GLB1: variants seen among roughly 807,000 people sequenced by gnomAD.
The protein encoded by GLB1 is beta-galactosidase.
Under a neutral mutation model 74.0 loss-of-function variants are expected in GLB1, and 56 were observed. The observed-to-expected ratio is 0.76, with a 90% CI of 0.61 to 0.94. The LOEUF (loss-of-function observed/expected upper bound fraction) is 0.94, where lower values mean the gene tolerates loss of function less well. Ranked by LOEUF, GLB1 falls within the 40% of genes least tolerant of loss-of-function variation. GLB1 has a pLI of 0.00. For synonymous variants in GLB1, 323 were observed against 323.6 expected, an observed-to-expected ratio of 1.00 and a Z score of 0.02; for missense variants, 787 against 845.5, an observed-to-expected ratio of 0.93 and a Z score of 0.86.
At chr3:33,062,434 C>T (rs968782310) in intron 5 of GLB1, among the ~76,000 whole-genome samples, 1 of 152,108 alleles carries the variant, frequency 6.6e-6, no homozygotes, top group African/African-American at 2.4e-5. Context: ...TCCCAAAGTG[C>T]TGGGATTACG....
intron 15 of GLB1, among the ~76,000 whole-genome samples, chr3:32,998,713 C>G (rs1371623773): frequency 6.6e-6 from 1 of 151,918 alleles, no homozygotes; most frequent in Non-Finnish European, 1.5e-5. Context: ...GGGAGGGAGG[C>G]AGGAAAGAAA....
Position 33,039,171 on chromosome 3 carries a change from T to G in GLB1, c.1068+6949A>C, listed in dbSNP as rs551201929. Among the ~76,000 whole-genome samples, 5 of 151,290 alleles carry G rather than the reference T, an allele frequency of 3.3e-5. No homozygotes were observed. In the South Asian group the frequency reaches 1.0e-3, roughly 32 times the overall value. ...CAGGTGTGGTGGTGCACAGCTGTAA[T>G]CCCAGCTACTCAGGAGGCTGAGGCA... On this transcript the variant is annotated intron_variant, in intron 10 of 15. Coordinates refer to ENST00000307363, the MANE Select transcript of GLB1 (RefSeq NM_000404.4).
intron 1 of GLB1, among the ~76,000 whole-genome samples, chr3:33,081,402 G>A (rs748495927): frequency 2.0e-5 from 3 of 152,158 alleles, no homozygotes; most frequent in Non-Finnish European, 2.9e-5. Context: ...TAGACATGAC[G>A]CTGGTCTACA....
chr3:33,003,235 C>A (rs570859770), intron 15 of GLB1, among the ~76,000 whole-genome samples: 3 of 152,168 alleles, frequency 2.0e-5, no homozygotes, highest in Non-Finnish European at 4.4e-5. Flanking sequence ...CTCATCAAAT[C>A]CCAAATAAAA....
Position 33,018,144 on chromosome 3 carries a change from G to T in GLB1, c.1347+304C>A, listed in dbSNP as rs1215769671. On this transcript the variant is annotated intron_variant, in intron 13 of 15. Coordinates refer to ENST00000307363, the MANE Select transcript of GLB1 (RefSeq NM_000404.4). The stretch of plus-strand genomic sequence containing the variant: ...ACAAAAAAAATCAAAACATTAGCCA[G>T]GCATGGTGGTGCACCCCTGTAGTCT... Among the ~76,000 whole-genome samples, 5 of 152,004 alleles carry T rather than the reference G, an allele frequency of 3.3e-5. No individual in the cohort carries two copies. In the East Asian group the frequency reaches 9.7e-4, roughly 29 times the overall value.
At chr3:33,002,985 G>A (rs1459473147) in intron 15 of GLB1, among the ~76,000 whole-genome samples, 3 of 152,176 alleles carry the variant, frequency 2.0e-5, no homozygotes, top group Non-Finnish European at 2.9e-5. Context: ...CTCTTACAAG[G>A]CTTGCTTAGA....
the GLB1 span, among the ~76,000 whole-genome samples, chr3:32,968,801 A>G: frequency 6.6e-6 from 1 of 152,210 alleles, no homozygotes; most frequent in African/African-American, 2.4e-5. Flanking sequence ...TTGTATGTCC[A>G]CAAATGAAAG....
At chr3:33,062,110 C>T (rs2125538612) in intron 5 of GLB1, among the ~76,000 whole-genome samples, 1 of 152,198 alleles carries the variant, frequency 6.6e-6, no homozygotes, top group East Asian at 1.9e-4. Context: ...AGGAAAGCCA[C>T]CATTTTCTAC....
chr3:33,093,898 A>C lies in GLB1; in HGVS notation c.75+3113T>G. 1 of 1,614,026 alleles carries C rather than the reference A, an allele frequency of 6.2e-7. No individual in the cohort carries two copies. Among genetic ancestry groups the C allele is most frequent in the East Asian group, 2.2e-5 (1 of 44,888 alleles). The stretch of plus-strand genomic sequence containing the variant: ...GCCACTAAAAAGAACATGGTAAAGA[A>C]ACTGGAATGGGCCAGGGCCAGAAAT... On this transcript the variant is annotated intron_variant, in intron 1 of 15. Transcript: ENST00000307363. The surrounding 1 kb of genome is among the most constrained non-coding windows in gnomAD (Gnocchi z 6.0).
chr3:33,045,604 G>A (rs765690332), intron 10 of GLB1: 34 of 991,074 alleles, frequency 3.4e-5, no homozygotes, highest in Non-Finnish European at 4.1e-5. Flanking sequence ...TTCAGATGAT[G>A]CATTAAATAA....
At position 33,051,918 on chromosome 3, in the gene GLB1, G is replaced by C; in HGVS notation, c.879C>G (p.Leu293=). ...TIKTEAVASS[L]YDILARGASV... is the part of the protein sequence containing the mutation. ...TCGCCCCACGGGCAAGTATATCATAGAGGGAGGAAGCCACTGCTTCGGTCT... is the reference window on the plus strand; with the variant it reads ...TCGCCCCACGGGCAAGTATATCATACAGGGAGGAAGCCACTGCTTCGGTCT... Residue 293 remains leucine (L), a synonymous_variant, in exon 8 of 16, where the codon CTC becomes CTG. Coordinates refer to ENST00000307363, the MANE Select transcript of GLB1 (RefSeq NM_000404.4). 6.2e-7 allele frequency: 1 copy of C among 1,614,248 alleles called. No homozygotes were observed.
the GLB1 span, among the ~76,000 whole-genome samples, chr3:32,971,698 C>T: frequency 6.6e-6 from 1 of 152,220 alleles, no homozygotes; most frequent in South Asian, 2.1e-4. Context: ...CCTAGGGCAA[C>T]AGTATTATGA....
intron 6 of GLB1, among the ~76,000 whole-genome samples, chr3:33,057,647 C>G (rs562259014): frequency 6.6e-6 from 1 of 152,362 alleles, no homozygotes; most frequent in South Asian, 2.1e-4. Flanking sequence ...CAGCCAGTGG[C>G]TGACCTCAAG....
At chr3:33,073,687 CA>C (rs917500797) in intron 1 of GLB1, among the ~76,000 whole-genome samples, 1 of 151,338 alleles carries the variant, frequency 6.6e-6, no homozygotes, top group South Asian at 2.1e-4. Flanking sequence ...GACTCTGTCT[CA>C]AAAAAATAAT....
chr3:33,036,206 C>T (rs1698269764), intron 10 of GLB1, among the ~76,000 whole-genome samples: 1 of 152,134 alleles, frequency 6.6e-6, no homozygotes. Flanking sequence ...GCCTCTTAAA[C>T]AGCTGCATAC....
Position 33,065,403 on chromosome 3 carries a change from T to G in GLB1, c.552+60A>C, listed in dbSNP as rs371213437. On this transcript the variant is annotated intron_variant, in intron 5 of 15. Transcript: ENST00000307363. ...ATGTCTGCATCACTTCTATCATTTA[T>G]GTAATGTAGATGGATGGGAACCCCT... The G allele has an allele frequency of 2.6e-6, 4 of 1,538,628 alleles. No homozygotes were observed. The South Asian group carries it at 3.6e-5, about 14-fold the overall frequency.
At chr3:33,068,079 G>T in intron 4 of GLB1, 151 bp downstream of exon 4, 1 of 1,085,700 alleles carries the variant, frequency 9.2e-7, no homozygotes, top group Non-Finnish European at 1.4e-6. Flanking sequence ...TAGGGGCGAG[G>T]TTTTGCCATT....
chr3:33,041,586 TG>T (rs1247861645), intron 10 of GLB1, among the ~76,000 whole-genome samples: 1 of 149,134 alleles, frequency 6.7e-6, no homozygotes, highest in Non-Finnish European at 1.5e-5. Flanking sequence ...CGCTTGAAGC[TG>T]GGAGGCAGAG....
the GLB1 span, among the ~76,000 whole-genome samples, chr3:32,971,424 A>G: frequency 1.3e-5 from 2 of 152,206 alleles, no homozygotes; most frequent in Non-Finnish European, 1.5e-5. Context: ...CATCAACCAA[A>G]AACTTATTTG....
Sources: allele counts gnomAD v4.1 joint callset (sites outside exome capture counted in the v4.1 genomes callset), GRCh38; gene constraint gnomAD v4.1.1; non-coding constraint Gnocchi (gnomAD v3.1); transcripts MANE v1.5; gene names NCBI Gene and HGNC (gene_info 2026-07-23, HGNC 2026-07-21).